Variants in PLXNA2 observed in about 807,000 individuals in gnomAD.
PLXNA2 encodes plexin A2.
A neutral mutation model predicts 193.5 loss-of-function variants in PLXNA2; 91 were observed. The ratio of observed to expected loss-of-function variants is 0.47; its 90% CI spans 0.40 to 0.56. PLXNA2 has a LOEUF of 0.56. Ranked by LOEUF, PLXNA2 falls within the 20% of genes least tolerant of loss-of-function variation. The pLI is 0.00. For synonymous variants in PLXNA2, 997 were observed against 1,027.3 expected (o/e 0.97, Z 0.56); for missense variants, 1,995 against 2,503.2 (o/e 0.80, Z 4.33).
At chr1:208,214,416 G>A (rs191264411) in intron 2 of PLXNA2, among the ~76,000 whole-genome samples, 3 of 152,338 alleles carry the variant, frequency 2.0e-5, no homozygotes, top group African/African-American at 2.4e-5. Flanking sequence ...CAAGGAGTAA[G>A]TGGTAGGACT....
rs540551087 is a variant in PLXNA2 at position 208,140,382 on chromosome 1, G to A, written c.1506+1947C>T. ...AAAATATATGCCTTGGTACCTTCTC[G>A]GTCCCACTAAGGTCTCATTGGTCAC... On this transcript the variant is annotated intron_variant, in intron 4 of 31. Transcript: ENST00000367033. 5.6e-4 allele frequency among the ~76,000 whole-genome samples: 85 copies of A among 152,122 alleles called. 2 individuals are homozygous for A. The South Asian group carries it at 8.7e-3, about 16-fold the overall frequency.
chr1:208,086,990 TGA>T (rs57506358), intron 9 of PLXNA2, among the ~76,000 whole-genome samples: 1,495 of 138,478 alleles, frequency 0.011, 19 homozygotes, highest in South Asian at 0.028. Flanking sequence ...TGTGTGTGTG[TGA>T]GAGAGAGAGA....
chr1:208,141,441 T>A (rs1466602528), intron 4 of PLXNA2, among the ~76,000 whole-genome samples: 1 of 152,152 alleles, frequency 6.6e-6, no homozygotes, highest in Non-Finnish European at 1.5e-5. Flanking sequence ...CCAGCATCCT[T>A]CTCTAGCCTA....
In PLXNA2 at chr1:208,044,664, C is replaced by T. The variant is rs746253674; in HGVS notation, c.3718G>A (p.Val1240Ile). ...SDSLLTLPAI[V>I]SIAAGGSLLL... ...AGGCTGCCGCCGGCCGCGATGCTGA[C>T]GATGGCTGGCAGGGTCAGCAAGCTG... is the stretch of plus-strand genomic sequence containing the variant. Residue 1240 changes from valine (V) to isoleucine (I), a missense_variant, in exon 20 of 32, where the codon GTC becomes ATC. Physicochemically the swap from Val to Ile is conservative, Grantham distance 29. This residue lies in a region of PLXNA2 where 1,291 missense variants were observed against 1,673.6 expected (regional missense o/e 0.77). Coordinates refer to ENST00000367033, the MANE Select transcript of PLXNA2 (RefSeq NM_025179.4). The surrounding 1 kb of genome is among the most constrained non-coding windows in gnomAD (Gnocchi z 4.9). 9.3e-6 allele frequency: 15 copies of T among 1,613,954 alleles called. No individual in the cohort carries two copies. The highest frequency in any genetic ancestry group is 6.7e-5 in the African/African-American group (5 of 74,916).
chr1:208,178,376 G>A (rs1572001573), intron 3 of PLXNA2, among the ~76,000 whole-genome samples: 1 of 152,230 alleles, frequency 6.6e-6, no homozygotes, highest in East Asian at 1.9e-4. Context: ...AACAGGTGGG[G>A]AAGAATGAGG....
intron 3 of PLXNA2, among the ~76,000 whole-genome samples, chr1:208,193,390 T>A (rs1670248495): frequency 6.6e-6 from 1 of 152,224 alleles, no homozygotes; most frequent in Non-Finnish European, 1.5e-5. Context: ...CAATGATTAG[T>A]GTGGACAAAG....
intron 5 of PLXNA2, among the ~76,000 whole-genome samples, chr1:208,099,605 C>A (rs771982738): frequency 2.0e-5 from 3 of 152,084 alleles, no homozygotes; most frequent in Non-Finnish European, 4.4e-5. Context: ...GAGTCTTGCT[C>A]TGTTGCCTAA....
chr1:208,053,060 T>C (rs1368177286), intron 14 of PLXNA2, among the ~76,000 whole-genome samples: 1 of 152,190 alleles, frequency 6.6e-6, no homozygotes, highest in African/African-American at 2.4e-5. Flanking sequence ...GCTCACTAAG[T>C]AGTAAAATTC....
At chr1:208,041,994 G>C (rs1664885550) in intron 22 of PLXNA2, 104 bp downstream of exon 22, 1 of 1,219,150 alleles carries the variant, frequency 8.2e-7, no homozygotes, top group South Asian at 1.4e-5. Flanking sequence ...TGCCCCTTCT[G>C]GGGAGTGGGC....
At chr1:208,029,717 C>T (rs1424687613) in intron 29 of PLXNA2, 27 of 985,938 alleles carry the variant, frequency 2.7e-5, no homozygotes, top group Non-Finnish European at 3.3e-5. Flanking sequence ...CAAGAGGAAC[C>T]GATCAGTAGT....
intron 4 of PLXNA2, among the ~76,000 whole-genome samples, chr1:208,140,966 C>T (rs199966656): frequency 1.3e-5 from 2 of 152,152 alleles, no homozygotes; most frequent in Non-Finnish European, 2.9e-5. Context: ...ACTGTTTCAT[C>T]GGAATGATAG....
intron 4 of PLXNA2, among the ~76,000 whole-genome samples, chr1:208,108,017 C>T (rs1667328470): frequency 6.6e-6 from 1 of 152,132 alleles, no homozygotes. Context: ...AAAGGTGACT[C>T]ACACTGTGTT....
chr1:208,086,853 G>A (rs1194767120), intron 9 of PLXNA2, among the ~76,000 whole-genome samples: 1 of 150,338 alleles, frequency 6.7e-6, no homozygotes, highest in East Asian at 2.0e-4. Flanking sequence ...TAGAAAAGGA[G>A]ATAACACTTC....
chr1:208,062,186 T>C (rs1176768917), intron 12 of PLXNA2, among the ~76,000 whole-genome samples: 1 of 152,204 alleles, frequency 6.6e-6, no homozygotes, highest in East Asian at 1.9e-4. Flanking sequence ...AGTCTCCCTC[T>C]TGACCCTGTA....
intron 1 of PLXNA2, among the ~76,000 whole-genome samples, chr1:208,221,204 T>C (rs1391068930): frequency 6.6e-6 from 1 of 152,150 alleles, no homozygotes; most frequent in Non-Finnish European, 1.5e-5. Context: ...GCCTATTTCT[T>C]GATCTTAAAA....
chr1:208,088,338 G>T (rs971509426), intron 9 of PLXNA2, among the ~76,000 whole-genome samples: 5 of 152,206 alleles, frequency 3.3e-5, no homozygotes, highest in Admixed American at 2.0e-4. Flanking sequence ...GCCCTCTGAA[G>T]CGACTTCTCC....
chr1:208,121,039 T>A (rs1247225748), intron 4 of PLXNA2, among the ~76,000 whole-genome samples: 2 of 152,108 alleles, frequency 1.3e-5, no homozygotes, highest in Non-Finnish European at 2.9e-5. Flanking sequence ...TGTTACTCAT[T>A]CCTTAGCAGT....
chr1:208,167,203 C>T (rs563832739), intron 3 of PLXNA2, among the ~76,000 whole-genome samples: 9 of 152,056 alleles, frequency 5.9e-5, no homozygotes, highest in Admixed American at 3.9e-4. Context: ...CTGACTATGG[C>T]GATTTTATAT....
chr1:208,092,231 G>A lies in PLXNA2; in HGVS notation c.2097+555C>T, dbSNP rs568954032. ...GGTCAGGCTTTAGGGATGGAGTTTC[G>A]ACTGTATAATAAAACAGGACTTTTA... On this transcript the variant is annotated intron_variant, in intron 9 of 31. Transcript: ENST00000367033. Among the ~76,000 whole-genome samples, 32 of 152,314 alleles carry A rather than the reference G, an allele frequency of 2.1e-4. No individual in the cohort carries two copies. The South Asian group carries it at 5.0e-3, about 24-fold the overall frequency.
Sources: gnomAD v4.1 joint callset for allele counts (sites outside exome capture counted in the v4.1 genomes callset) on GRCh38, gnomAD v4.1.1 for gene constraint, gnomAD v4.1.1 regional missense constraint, Gnocchi (gnomAD v3.1) non-coding constraint, MANE v1.5 for transcripts, NCBI Gene and HGNC (gene_info 2026-07-23, HGNC 2026-07-21) for gene names.